CUX2: variants seen among roughly 807,000 people sequenced by gnomAD.
The protein encoded by CUX2 is homeobox protein cut-like 2.
A neutral mutation model predicts 144.8 loss-of-function variants in CUX2; 40 were observed. The ratio of observed to expected loss-of-function variants is 0.28; its 90% CI spans 0.21 to 0.36. The LOEUF (loss-of-function observed/expected upper bound fraction) is 0.36, where lower values mean the gene tolerates loss of function less well. Ranked by LOEUF, CUX2 falls within the 10% of genes least tolerant of loss-of-function variation. CUX2 has a pLI of 1.00. For missense variants in CUX2, 1,615 were observed against 1,994.0 expected (o/e 0.81, Z 3.62); for synonymous variants, 827 against 875.6 (o/e 0.94, Z 0.98).
In CUX2 at chr12:111,320,981, A is replaced by G. The variant is rs1341033370; in HGVS notation, c.2766+206A>G. ...GAAATGCTTCCATCCTGGCCAGCAA[A>G]CAGCCACTTAACTCCCCTCCTCCAG... On this transcript the variant is annotated intron_variant, in intron 17 of 21. Transcript: ENST00000261726. This position sits in a 1 kb window ranked among gnomAD's most constrained non-coding sequence, Gnocchi z 8.1. 6.6e-6 allele frequency among the ~76,000 whole-genome samples: 1 copy of G among 151,972 alleles called. No homozygotes were observed. Among genetic ancestry groups the G allele is most frequent in the South Asian group, 2.1e-4 (1 of 4,822 alleles).
At chr12:111,087,691 T>A (rs1872320117) in intron 1 of CUX2, among the ~76,000 whole-genome samples, 1 of 152,240 alleles carries the variant, frequency 6.6e-6, no homozygotes, top group Non-Finnish European at 1.5e-5. Flanking sequence ...TGTCTGCCTT[T>A]GTGTGCTGTC....
chr12:111,226,342 C>T (rs994817448), intron 3 of CUX2, among the ~76,000 whole-genome samples: 1 of 152,188 alleles, frequency 6.6e-6, no homozygotes, highest in Non-Finnish European at 1.5e-5. Flanking sequence ...GTCTGCCCTG[C>T]CCAGCTTGGG....
chr12:111,073,630 C>T (rs1871354647), intron 1 of CUX2, among the ~76,000 whole-genome samples: 1 of 152,028 alleles, frequency 6.6e-6, no homozygotes, highest in African/African-American at 2.4e-5. Context: ...TCTATCTACT[C>T]AGTGCGATAG....
chr12:111,087,740 TG>T (rs1336478033), intron 1 of CUX2, among the ~76,000 whole-genome samples: 1 of 152,222 alleles, frequency 6.6e-6, no homozygotes, highest in Non-Finnish European at 1.5e-5. Flanking sequence ...ATAGTAGATG[TG>T]TGATGGATAT....
At chr12:111,311,977 C>T (rs1380454031) in intron 15 of CUX2, 123 bp from the exon 16 acceptor site, 4 of 665,368 alleles carry the variant, frequency 6.0e-6, no homozygotes, top group East Asian at 2.8e-5. Flanking sequence ...GTGGCCCTGC[C>T]ATCTCACTGA....
chr12:111,176,039 C>CTTTTTTT (rs1172563784), intron 1 of CUX2, among the ~76,000 whole-genome samples: 25 of 70,194 alleles, frequency 3.6e-4, no homozygotes, highest in South Asian at 5.1e-4. Flanking sequence ...TCTTCTTCTT[C>CTTTTTTT]TTTTTTTTTT....
Position 111,237,278 on chromosome 12 carries a change from G to A in CUX2, c.222+19341G>A, listed in dbSNP as rs573655533. On this transcript the variant is annotated intron_variant, in intron 3 of 21. Transcript: ENST00000261726. Reference sequence around the variant, plus strand: ...GATTTATCCCAGGTAGCGAGCTGCTGTGCCAGGCTTCTGAGCCTTTGTACA... The same window carrying A: ...GATTTATCCCAGGTAGCGAGCTGCTATGCCAGGCTTCTGAGCCTTTGTACA... 4.6e-5 allele frequency among the ~76,000 whole-genome samples: 7 copies of A among 152,350 alleles called. No individual in the cohort carries two copies. In the South Asian group the frequency reaches 1.4e-3, roughly 32 times the overall value.
intron 1 of CUX2, among the ~76,000 whole-genome samples, chr12:111,055,745 A>G (rs1256007876): frequency 1.3e-5 from 2 of 151,920 alleles, no homozygotes; most frequent in African/African-American, 4.8e-5. Flanking sequence ...TCCCCTGCCC[A>G]GGATGGCACC....
intron 1 of CUX2, among the ~76,000 whole-genome samples, chr12:111,131,755 T>C (rs1011950899): frequency 5.9e-4 from 90 of 152,316 alleles, no homozygotes; most frequent in African/African-American, 2.1e-3. Context: ...TGATTCCAGA[T>C]CTCACATCCA....
chr12:111,269,246 C>T (rs982432431), intron 4 of CUX2, among the ~76,000 whole-genome samples: 8 of 152,264 alleles, frequency 5.3e-5, no homozygotes, highest in Middle Eastern at 6.8e-3. Flanking sequence ...ATACTAAATT[C>T]GTATACCCAG....
chr12:111,056,193 C>T (rs999489610), intron 1 of CUX2, among the ~76,000 whole-genome samples: 5 of 152,170 alleles, frequency 3.3e-5, no homozygotes, highest in East Asian at 3.8e-4. Flanking sequence ...ATGCTAGAGA[C>T]GAGGACTGTT....
intron 19 of CUX2, among the ~76,000 whole-genome samples, chr12:111,337,728 C>T (rs1378756407): frequency 2.6e-5 from 4 of 152,128 alleles, no homozygotes; most frequent in South Asian, 4.2e-4. Flanking sequence ...GAGTAAAGAA[C>T]CTCTTAAATT....
intron 1 of CUX2, among the ~76,000 whole-genome samples, chr12:111,092,489 C>G (rs1433890954): frequency 1.3e-5 from 2 of 152,138 alleles, no homozygotes; most frequent in Admixed American, 1.3e-4. Context: ...GGGAAGACAT[C>G]ACTGTGGGTT....
At chr12:111,074,743 CAG>C (rs1429849841) in intron 1 of CUX2, among the ~76,000 whole-genome samples, 1 of 152,052 alleles carries the variant, frequency 6.6e-6, no homozygotes, top group Admixed American at 6.5e-5. Flanking sequence ...ATGAGGAAAA[CAG>C]GCAGCGGGTA....
chr12:111,184,493 C>G (rs1179610940), intron 1 of CUX2, among the ~76,000 whole-genome samples: 1 of 140,454 alleles, frequency 7.1e-6, no homozygotes, highest in Non-Finnish European at 1.5e-5. Context: ...TCTTGATGTA[C>G]TGATAAAAAG....
At chr12:111,331,107 T>C (rs1888102823) in intron 18 of CUX2, among the ~76,000 whole-genome samples, 1 of 151,714 alleles carries the variant, frequency 6.6e-6, no homozygotes, top group African/African-American at 2.4e-5. Flanking sequence ...GTAGCTCCAG[T>C]TGGCAGGGAC....
intron 4 of CUX2, among the ~76,000 whole-genome samples, chr12:111,288,984 G>T (rs1264741675): frequency 6.6e-6 from 1 of 151,780 alleles, no homozygotes; most frequent in East Asian, 1.9e-4. Flanking sequence ...TTACCCAGGC[G>T]TGGTCGCACA....
chr12:111,249,309 G>A (rs950243291), intron 3 of CUX2, among the ~76,000 whole-genome samples: 2 of 151,150 alleles, frequency 1.3e-5, no homozygotes, highest in South Asian at 2.1e-4. Flanking sequence ...TCTGTGAAAT[G>A]AGGAAGAGAA....
intron 1 of CUX2, among the ~76,000 whole-genome samples, chr12:111,087,418 TGAA>T (rs113153719): frequency 0.012 from 1,786 of 147,240 alleles, 45 homozygotes; most frequent in African/African-American, 0.042. Flanking sequence ...GAAAATGCTA[TGAA>T]GAAGAAGTCA....
Sources: gnomAD v4.1 joint callset for allele counts (sites outside exome capture counted in the v4.1 genomes callset) on GRCh38, gnomAD v4.1.1 for gene constraint, Gnocchi (gnomAD v3.1) non-coding constraint, MANE v1.5 for transcripts, NCBI Gene and HGNC (gene_info 2026-07-23, HGNC 2026-07-21) for gene names.